The following ERC2 variants were observed in gnomAD, a reference collection of about 807,000 sequenced individuals.
ERC2 encodes ERC protein 2.
A neutral mutation model predicts 114.8 loss-of-function variants in ERC2; 42 were observed. The ratio of observed to expected loss-of-function variants is 0.37; its 90% CI spans 0.29 to 0.47. The LOEUF (loss-of-function observed/expected upper bound fraction) is 0.47. Among genes scored for constraint, ERC2 ranks in the 20% least tolerant of loss-of-function variants. The pLI is 0.99. For synonymous variants in ERC2, 454 were observed against 425.5 expected (o/e 1.07, Z -0.82); for missense variants, 939 against 1,150.7 (o/e 0.82, Z 2.66).
chr3:55,586,404 G>A (rs557933097), intron 17 of ERC2, among the ~76,000 whole-genome samples: 118 of 152,330 alleles, frequency 7.7e-4, no homozygotes, highest in African/African-American at 2.7e-3. Context: ...TATGATAGCA[G>A]AAATGCCACT....
At chr3:55,562,434 T>C (rs541590202) in intron 17 of ERC2, among the ~76,000 whole-genome samples, 5 of 152,348 alleles carry the variant, frequency 3.3e-5, no homozygotes, top group Admixed American at 6.5e-5. Flanking sequence ...ATTACAGGCA[T>C]GAGCCACTGT....
intron 5 of ERC2, 22 bp from the exon 6 acceptor site, chr3:56,139,698 G>T: frequency 6.4e-7 from 1 of 1,571,834 alleles, no homozygotes; most frequent in Non-Finnish European, 8.6e-7. Flanking sequence ...CAACAAAATT[G>T]CAAGAAATTA....
intron 14 of ERC2, among the ~76,000 whole-genome samples, chr3:55,785,053 C>T (rs1474262198): frequency 6.6e-6 from 1 of 152,024 alleles, no homozygotes; most frequent in East Asian, 1.9e-4. Flanking sequence ...GTGGAGGGCT[C>T]GGAAAGGGCA....
intron 17 of ERC2, among the ~76,000 whole-genome samples, chr3:55,674,257 A>G (rs1374739082): frequency 1.3e-5 from 2 of 152,308 alleles, no homozygotes; most frequent in East Asian, 3.9e-4. Context: ...TGGAACCAGT[A>G]TTTGAACTTG....
At chr3:55,865,123 T>A (rs370932307) in intron 14 of ERC2, among the ~76,000 whole-genome samples, 5 of 152,294 alleles carry the variant, frequency 3.3e-5, no homozygotes, top group Middle Eastern at 3.4e-3. Flanking sequence ...CCTTTGTATA[T>A]ATCTAGGTTA....
At chr3:55,536,527 T>G (rs1174269618) in intron 17 of ERC2, among the ~76,000 whole-genome samples, 2 of 152,236 alleles carry the variant, frequency 1.3e-5, no homozygotes, top group Non-Finnish European at 2.9e-5. Context: ...CTGAGCTGAC[T>G]TGATGCAGGG....
chr3:55,886,111 T>G (rs1382937312), intron 14 of ERC2, among the ~76,000 whole-genome samples: 1 of 152,160 alleles, frequency 6.6e-6, no homozygotes, highest in African/African-American at 2.4e-5. Flanking sequence ...AGGCTGGACT[T>G]GACACATAAC....
intron 14 of ERC2, among the ~76,000 whole-genome samples, chr3:55,867,602 A>G (rs1407676817): frequency 6.6e-6 from 1 of 152,276 alleles, no homozygotes; most frequent in African/African-American, 2.4e-5. Context: ...TGTGAAATGT[A>G]TGCATGAGAA....
intron 3 of ERC2, among the ~76,000 whole-genome samples, chr3:56,180,527 C>T (rs546969231): frequency 2.0e-4 from 30 of 152,244 alleles, no homozygotes; most frequent in Middle Eastern, 3.4e-3. Flanking sequence ...CATGGATAGA[C>T]CTCAAGGACA....
intron 17 of ERC2, among the ~76,000 whole-genome samples, chr3:55,575,409 C>T (rs1053770782): frequency 1.3e-5 from 2 of 152,194 alleles, no homozygotes; most frequent in Non-Finnish European, 1.5e-5. Context: ...AAATGGGGTC[C>T]TGTTACCAGA....
At position 56,223,230 on chromosome 3, in the gene ERC2, A is replaced by G. The variant is rs563735617; in HGVS notation, c.1075-49710T>C. 3.3e-5 allele frequency among the ~76,000 whole-genome samples: 5 copies of G among 152,338 alleles called. No individual in the cohort carries two copies. The East Asian group carries it at 9.6e-4, about 29-fold the overall frequency. On this transcript the variant is annotated intron_variant, in intron 3 of 17. Coordinates refer to ENST00000288221, the MANE Select transcript of ERC2 (RefSeq NM_015576.3). ...AAAATGAACATTTTGAAAACCAGGA[A>G]TAGAGCATCCAAGTAAGTCAGTATG...
chr3:56,000,562 T>C (rs1053502842), intron 10 of ERC2, among the ~76,000 whole-genome samples: 2 of 152,100 alleles, frequency 1.3e-5, no homozygotes, highest in African/African-American at 4.8e-5. Context: ...TCAGTAGTTA[T>C]TAAAGAAAGA....
chr3:55,759,482 A>AG (rs2067281195), intron 14 of ERC2, among the ~76,000 whole-genome samples: 1 of 147,902 alleles, frequency 6.8e-6, no homozygotes, highest in African/African-American at 2.5e-5. Flanking sequence ...AAAAAAAAAA[A>AG]AAAAAAAAAA....
At chr3:56,071,583 T>C (rs1422743768) in intron 7 of ERC2, among the ~76,000 whole-genome samples, 2 of 152,214 alleles carry the variant, frequency 1.3e-5, no homozygotes, top group South Asian at 2.1e-4. Context: ...AATGGAGCTA[T>C]GTGAAGACAG....
At chr3:55,780,328 T>TA (rs1284768101) in intron 14 of ERC2, among the ~76,000 whole-genome samples, 2 of 152,120 alleles carry the variant, frequency 1.3e-5, no homozygotes, top group South Asian at 2.1e-4. Context: ...AAGAGTCAAC[T>TA]AAAAAACTAC....
chr3:55,847,780 C>T (rs1486018432), intron 14 of ERC2, among the ~76,000 whole-genome samples: 1 of 152,118 alleles, frequency 6.6e-6, no homozygotes, highest in Admixed American at 6.6e-5. Flanking sequence ...CACTTCATTG[C>T]TTATACATTT....
chr3:56,028,276 A>G (rs2074169828), intron 7 of ERC2, among the ~76,000 whole-genome samples: 1 of 152,092 alleles, frequency 6.6e-6, no homozygotes, highest in South Asian at 2.1e-4. Context: ...TGTTTTAGTT[A>G]TTCGGGGGGT....
At chr3:56,288,858 T>C (rs1220979935) in intron 3 of ERC2, among the ~76,000 whole-genome samples, 1 of 152,192 alleles carries the variant, frequency 6.6e-6, no homozygotes, top group Non-Finnish European at 1.5e-5. Flanking sequence ...CAAAATCAGA[T>C]GCTTACTCGG....
intron 2 of ERC2, among the ~76,000 whole-genome samples, chr3:56,423,122 T>C (rs971518070): frequency 6.6e-6 from 1 of 152,244 alleles, no homozygotes; most frequent in African/African-American, 2.4e-5. Context: ...ATTGGAAGAA[T>C]ACATTTTTAA....
Sources: allele counts gnomAD v4.1 joint callset (sites outside exome capture counted in the v4.1 genomes callset), GRCh38; gene constraint gnomAD v4.1.1; transcripts MANE v1.5; gene names NCBI Gene and HGNC (gene_info 2026-07-23, HGNC 2026-07-21).